SEMA5A: variants seen among roughly 807,000 people sequenced by gnomAD.
The protein encoded by SEMA5A is semaphorin 5A.
Under a neutral mutation model 135.5 loss-of-function variants are expected in SEMA5A, and 55 were observed. The ratio of observed to expected loss-of-function variants is 0.41; its 90% CI spans 0.33 to 0.51. SEMA5A has a LOEUF of 0.51. Among genes scored for constraint, SEMA5A ranks in the 20% least tolerant of loss-of-function variants. The pLI is 0.37. For synonymous variants in SEMA5A, 580 were observed against 546.5 expected (o/e 1.06, Z -0.85); for missense variants, 1,290 against 1,419.9 (o/e 0.91, Z 1.47).
At chr5:9,381,617 A>C (rs886855323) in intron 2 of SEMA5A, among the ~76,000 whole-genome samples, 7 of 152,146 alleles carry the variant, frequency 4.6e-5, no homozygotes, top group Non-Finnish European at 7.4e-5. Context: ...GCTAGAGAGA[A>C]CACATTTAGG....
chr5:9,223,426 G>A (rs905140826), intron 8 of SEMA5A, among the ~76,000 whole-genome samples: 20 of 152,164 alleles, frequency 1.3e-4, no homozygotes, highest in African/African-American at 4.6e-4. Flanking sequence ...CCCCCTCCCA[G>A]GGGGTACTGA....
At chr5:9,328,087 A>G (rs770532366) in intron 4 of SEMA5A, among the ~76,000 whole-genome samples, 6 of 152,186 alleles carry the variant, frequency 3.9e-5, no homozygotes, top group Non-Finnish European at 5.9e-5. Context: ...ATTACAGCTC[A>G]TCCTCCCATA....
At chr5:9,177,687 T>A (rs918306448) in intron 11 of SEMA5A, among the ~76,000 whole-genome samples, 2 of 152,202 alleles carry the variant, frequency 1.3e-5, no homozygotes, top group South Asian at 4.1e-4. Flanking sequence ...TCCTAGGAGA[T>A]GCAGGCCTGG....
At position 9,408,187 on chromosome 5, in the gene SEMA5A, TACC is replaced by T. The variant is rs200758619; in HGVS notation, c.-77-28167_-77-28165del. On this transcript the variant is annotated intron_variant, in intron 2 of 22. Transcript: ENST00000382496. ...CCACCACAATCACCAACACCACTGT[TACC>T]ACCACCACCATCACCACCACCACCA... Among the ~76,000 whole-genome samples, 1,048 of 150,668 alleles carry T rather than the reference TACC, an allele frequency of 7.0e-3. 16 individuals carry two copies. Among genetic ancestry groups the T allele is most frequent in the African/African-American group, 0.023 (936 of 40,978 alleles).
intron 16 of SEMA5A, among the ~76,000 whole-genome samples, chr5:9,086,117 T>G (rs2150113554): frequency 6.6e-6 from 1 of 152,342 alleles, no homozygotes; most frequent in East Asian, 1.9e-4. Flanking sequence ...CCTTTCAATT[T>G]TACACCCTCA....
chr5:9,475,023 C>A (rs977832644), intron 1 of SEMA5A, among the ~76,000 whole-genome samples: 2 of 152,238 alleles, frequency 1.3e-5, no homozygotes, highest in Non-Finnish European at 2.9e-5. Flanking sequence ...CTCACTGCAA[C>A]CTCCACCTTC....
intron 16 of SEMA5A, among the ~76,000 whole-genome samples, chr5:9,073,307 T>C (rs909834042): frequency 6.6e-6 from 1 of 152,190 alleles, no homozygotes; most frequent in African/African-American, 2.4e-5. Flanking sequence ...GGGTTATCAT[T>C]TGAAATTCAA....
intron 15 of SEMA5A, among the ~76,000 whole-genome samples, chr5:9,116,372 T>A (rs1740514161): frequency 6.6e-6 from 1 of 152,258 alleles, no homozygotes; most frequent in Non-Finnish European, 1.5e-5. Context: ...TAGTAGCCTC[T>A]CTGGGAGTTG....
At chr5:9,331,763 G>A (rs549371395) in intron 4 of SEMA5A, among the ~76,000 whole-genome samples, 7 of 152,188 alleles carry the variant, frequency 4.6e-5, no homozygotes, top group Admixed American at 2.0e-4. Context: ...AAATTTTAAT[G>A]CACCTAAGTT....
In SEMA5A at chr5:9,379,960, C is replaced by T; in HGVS notation, c.-14G>A. On this transcript the variant is annotated 5_prime_UTR_variant, in exon 3 of 23. Coordinates refer to ENST00000382496, the MANE Select transcript of SEMA5A (RefSeq NM_003966.3). ...GGTTCCCTTCATGGTGGGCAAGGGGCCTCTGACTCTGGGCACGTGTCTTCT... is the reference window on the plus strand; with the variant it reads ...GGTTCCCTTCATGGTGGGCAAGGGGTCTCTGACTCTGGGCACGTGTCTTCT... The T allele has an allele frequency of 6.2e-7, 1 of 1,604,110 alleles. No homozygotes were observed. The highest frequency in any genetic ancestry group is 8.5e-7 in the Non-Finnish European group (1 of 1,174,280).
At chr5:9,116,003 G>T (rs1055980203) in intron 15 of SEMA5A, among the ~76,000 whole-genome samples, 1 of 152,118 alleles carries the variant, frequency 6.6e-6, no homozygotes, top group African/African-American at 2.4e-5. Flanking sequence ...AACTGAGAGT[G>T]GTCTCTAAAT....
intron 5 of SEMA5A, among the ~76,000 whole-genome samples, chr5:9,312,116 C>T (rs1161309675): frequency 6.6e-6 from 1 of 152,080 alleles, no homozygotes; most frequent in East Asian, 1.9e-4. Context: ...CCCAGATGGG[C>T]AAATGCTGTG....
chr5:9,345,209 C>A (rs892363817), intron 3 of SEMA5A, among the ~76,000 whole-genome samples: 1 of 152,192 alleles, frequency 6.6e-6, no homozygotes, highest in African/African-American at 2.4e-5. Flanking sequence ...CAATGGAATT[C>A]TGCTTCCTAA....
Position 9,204,260 on chromosome 5 carries a change from G to A in SEMA5A, c.647-2020C>T, listed in dbSNP as rs546171544. 4.6e-5 allele frequency among the ~76,000 whole-genome samples: 7 copies of A among 152,270 alleles called. No homozygotes were observed. The highest frequency in any genetic ancestry group is 3.9e-4 in the East Asian group (2 of 5,182). ...AATGTGGAAAACAAAGAGAGAAGGC[G>A]TAAGGGTCCAAGTGTGTCTAGCCCG... On this transcript the variant is annotated intron_variant, in intron 8 of 22. Transcript: ENST00000382496. This position sits in a 1 kb window ranked among gnomAD's most constrained non-coding sequence, Gnocchi z 6.4.
intron 2 of SEMA5A, among the ~76,000 whole-genome samples, chr5:9,384,370 A>G (rs569933466): frequency 2.0e-4 from 30 of 152,150 alleles, no homozygotes; most frequent in African/African-American, 7.0e-4. Context: ...TTGATATTTT[A>G]GTCATATAAT....
chr5:9,108,540 T>C (rs554808304), intron 15 of SEMA5A, among the ~76,000 whole-genome samples: 3 of 152,174 alleles, frequency 2.0e-5, no homozygotes, highest in Non-Finnish European at 4.4e-5. Context: ...TGGATCTTCC[T>C]GTGCAGCCAA....
intron 5 of SEMA5A, among the ~76,000 whole-genome samples, chr5:9,264,297 A>G (rs912129475): frequency 1.3e-5 from 2 of 152,204 alleles, no homozygotes; most frequent in African/African-American, 4.8e-5. Context: ...GGAGCCCAGA[A>G]GGAGGAAAAG....
intron 16 of SEMA5A, among the ~76,000 whole-genome samples, chr5:9,073,367 T>A (rs532728788): frequency 6.6e-6 from 1 of 152,156 alleles, no homozygotes; most frequent in Non-Finnish European, 1.5e-5. Context: ...CATGTAATAA[T>A]CTCAATAGAT....
chr5:9,373,119 C>T (rs535462195), intron 3 of SEMA5A, among the ~76,000 whole-genome samples: 8 of 152,248 alleles, frequency 5.3e-5, no homozygotes, highest in African/African-American at 9.6e-5. Context: ...TGAGTGAATA[C>T]GAGAAAGAGC....
Sources: allele counts gnomAD v4.1 joint callset (sites outside exome capture counted in the v4.1 genomes callset), GRCh38; gene constraint gnomAD v4.1.1; non-coding constraint Gnocchi (gnomAD v3.1); transcripts MANE v1.5; gene names NCBI Gene and HGNC (gene_info 2026-07-23, HGNC 2026-07-21).